The following UBAP2 variants were observed in gnomAD, a reference collection of about 807,000 sequenced individuals.
UBAP2 encodes ubiquitin-associated protein 2.
UBAP2 carries 75 observed loss-of-function variants against 139.6 expected under a neutral mutation model. That is an observed-to-expected ratio of 0.54 (90% CI 0.45 to 0.65). The LOEUF (loss-of-function observed/expected upper bound fraction) is 0.65. UBAP2 is among the 30% of genes least tolerant of loss of function. The probability of loss-of-function intolerance (pLI) is 0.00; values close to 1 mark genes in which losing one functional copy is unlikely to be tolerated. For missense variants in UBAP2, 1,368 were observed against 1,369.6 expected (o/e 1.00, Z 0.02); for synonymous variants, 526 against 526.2 (o/e 1.00, Z 0.01).
intron 1 of UBAP2, among the ~76,000 whole-genome samples, chr9:34,036,783 A>T (rs931279714): frequency 6.6e-6 from 1 of 151,410 alleles, no homozygotes; most frequent in African/African-American, 2.4e-5. Flanking sequence ...AATAACAGAG[A>T]ATATACTACC....
At chr9:34,039,945 G>T (rs1272443454) in intron 1 of UBAP2, among the ~76,000 whole-genome samples, 1 of 151,294 alleles carries the variant, frequency 6.6e-6, no homozygotes, top group Non-Finnish European at 1.5e-5. Flanking sequence ...ATCACCTGAG[G>T]TCGGGAGTTC....
intron 1 of UBAP2, among the ~76,000 whole-genome samples, chr9:34,031,771 C>A (rs1825909702): frequency 6.9e-6 from 1 of 145,422 alleles, no homozygotes; most frequent in African/African-American, 2.6e-5. Context: ...GGCAACACAG[C>A]AAGACCCTGT....
At position 33,922,495 on chromosome 9, in the gene UBAP2, CTT is replaced by C. The variant is rs1325931947; in HGVS notation, c.*7_*8del. The C allele has an allele frequency of 1.2e-6, 2 of 1,613,148 alleles. No homozygotes were observed. The highest frequency in any genetic ancestry group is 1.3e-5 in the African/African-American group (1 of 74,920). ...AAGCCTTGCCCCAGCCCACCCCTCT[CTT>C]CTGGGTTTAGTTTGTCCAGTATGGA... is the stretch of plus-strand genomic sequence containing the variant. On this transcript the variant is annotated 3_prime_UTR_variant, in exon 29 of 29. Transcript: ENST00000379238.
chr9:33,982,566 T>C (rs1292721315), intron 6 of UBAP2, among the ~76,000 whole-genome samples: 1 of 152,198 alleles, frequency 6.6e-6, no homozygotes, highest in African/African-American at 2.4e-5. Flanking sequence ...TTGCATTCTG[T>C]TCCTATTCAC....
chr9:33,939,897 GAGGAGGAGGATGGGGA>G (rs1825030256), intron 16 of UBAP2, among the ~76,000 whole-genome samples: 1 of 15,020 alleles, frequency 6.7e-5, no homozygotes, highest in Non-Finnish European at 1.6e-4. Flanking sequence ...AGGAGGGGAG[GAGGAGGAGGATGGGGA>G]GGAGAAGAAG....
intron 6 of UBAP2, among the ~76,000 whole-genome samples, chr9:33,980,141 G>A (rs755658031): frequency 3.3e-4 from 49 of 148,892 alleles, no homozygotes; most frequent in Middle Eastern, 3.5e-3. Flanking sequence ...ATACTTAGCT[G>A]ACATTCTAAT....
chr9:34,041,022 G>A (rs1449511283), intron 1 of UBAP2, among the ~76,000 whole-genome samples: 1 of 152,146 alleles, frequency 6.6e-6, no homozygotes, highest in Non-Finnish European at 1.5e-5. Flanking sequence ...TTTGTTTGTT[G>A]TGGGCAGGGT....
chr9:34,046,934 G>A (rs956382358), intron 1 of UBAP2, among the ~76,000 whole-genome samples: 1 of 152,110 alleles, frequency 6.6e-6, no homozygotes, highest in Non-Finnish European at 1.5e-5. Context: ...GGGAAGCAGA[G>A]GTGTTATTGT....
intron 8 of UBAP2, among the ~76,000 whole-genome samples, chr9:33,969,178 T>C (rs1340051747): frequency 2.0e-5 from 3 of 152,232 alleles, no homozygotes; most frequent in Admixed American, 2.0e-4. Context: ...TATCAATCTT[T>C]TTGTACAAGA....
chr9:33,933,602 C>CAG lies in UBAP2; in HGVS notation c.1994_1995dup (p.Ala666LeufsTer6), dbSNP rs1049601140. On this transcript the variant is annotated frameshift_variant, in exon 18 of 29. Coordinates refer to ENST00000379238, the MANE Select transcript of UBAP2 (RefSeq NM_001370062.2). LOFTEE classifies it high-confidence loss of function. The stretch of plus-strand genomic sequence containing the variant: ...GGCAGGGAGCTCACAGACGGGAGGG[C>CAG]AGAGGGAGGGCCTGTTGTCTTTGGA... 2 of 1,613,766 alleles carry CAG rather than the reference C, an allele frequency of 1.2e-6. No homozygotes were observed. The highest frequency in any genetic ancestry group is 2.7e-5 in the African/African-American group (2 of 74,906).
At chr9:33,932,515 G>C in intron 19 of UBAP2, 47 bp downstream of exon 19, 1 of 1,606,296 alleles carries the variant, frequency 6.2e-7, no homozygotes, top group Non-Finnish European at 8.5e-7. Context: ...CTAAGCTCCA[G>C]GCTCCCCAAG....
chr9:33,938,136 A>G (rs1272361255), intron 16 of UBAP2, among the ~76,000 whole-genome samples: 2 of 151,880 alleles, frequency 1.3e-5, no homozygotes, highest in Non-Finnish European at 2.9e-5. Flanking sequence ...AGCTGGGACT[A>G]CAGGTCTGTA....
In UBAP2 at chr9:33,948,424, G is replaced by A; in HGVS notation, c.1220C>T (p.Ser407Phe). The A allele has an allele frequency of 3.7e-6, 6 of 1,613,910 alleles. No homozygotes were observed. The highest frequency in any genetic ancestry group is 5.1e-6 in the Non-Finnish European group (6 of 1,179,850). Residue 407 changes from serine (S) to phenylalanine (F), a missense_variant, in exon 13 of 29, where the codon TCT becomes TTT. Coordinates refer to ENST00000379238, the MANE Select transcript of UBAP2 (RefSeq NM_001370062.2). ...NSTSHPTTTTSWDLKPPTSQS... is the reference protein window; with the variant it reads ...NSTSHPTTTTFWDLKPPTSQS... Reference sequence around the variant, plus strand: ...GGATGTTGGGGGCTTGAGGTCCCAAGAAGTAGTAGTTGTAGGGTGACTTGT... The same window carrying A: ...GGATGTTGGGGGCTTGAGGTCCCAAAAAGTAGTAGTTGTAGGGTGACTTGT...
In UBAP2 at chr9:34,010,427, T is replaced by TAAA. The variant is rs57695373; in HGVS notation, c.99+6620_99+6622dup. The stretch of plus-strand genomic sequence containing the variant: ...CAACAAGGGCAGAAACTCTGCCTCA[T>TAAA]AAAAAAAAAAAAAAAAAAAAAAGAC... On this transcript the variant is annotated intron_variant, in intron 2 of 28. Coordinates refer to ENST00000379238, the MANE Select transcript of UBAP2 (RefSeq NM_001370062.2). 4.3e-3 allele frequency among the ~76,000 whole-genome samples: 467 copies of TAAA among 108,234 alleles called. 1 individual carries two copies. Among genetic ancestry groups the TAAA allele is most frequent in the South Asian group, 0.026 (80 of 3,130 alleles). 71.0% of individuals were successfully genotyped at this position (108,234 alleles called of 152,430 possible). A position where few individuals can be genotyped will look rare whatever the true frequency, so the allele number is the denominator to read the frequency against.
chr9:33,939,463 T>C (rs1424083187), intron 16 of UBAP2, among the ~76,000 whole-genome samples: 1 of 151,670 alleles, frequency 6.6e-6, no homozygotes, highest in Non-Finnish European at 1.5e-5. Flanking sequence ...CCTCCAAAAG[T>C]GCTGGGATTA....
At chr9:33,924,080 G>A (rs1422459857) in intron 23 of UBAP2, 80 bp from the exon 24 acceptor site, 2 of 1,591,102 alleles carry the variant, frequency 1.3e-6, no homozygotes, top group East Asian at 4.5e-5. Flanking sequence ...AACAGGAACA[G>A]GTCTGGCTGC....
At chr9:33,935,907 A>G (rs776477558) in intron 16 of UBAP2, 29 bp from the exon 17 acceptor site, 1 of 1,602,328 alleles carries the variant, frequency 6.2e-7, no homozygotes, top group South Asian at 1.1e-5. Context: ...AAGAGAATAT[A>G]AACTTACAAA....
intron 24 of UBAP2, 130 bp from the exon 25 acceptor site, chr9:33,923,608 C>A: frequency 9.4e-7 from 1 of 1,066,084 alleles, no homozygotes. Context: ...TTCATTAGTG[C>A]AACACATGCT....
chr9:34,017,027 A>G, intron 2 of UBAP2, 23 bp downstream of exon 2: 1 of 1,547,182 alleles, frequency 6.5e-7, no homozygotes, highest in Non-Finnish European at 8.7e-7. Context: ...GAAAAAAAAA[A>G]AAAGAGTTCC....
Sources: allele counts gnomAD v4.1 joint callset (sites outside exome capture counted in the v4.1 genomes callset), GRCh38; gene constraint gnomAD v4.1.1; transcripts MANE v1.5; gene names NCBI Gene and HGNC (gene_info 2026-07-23, HGNC 2026-07-21).